The following SLC6A7 variants were observed in gnomAD, a reference collection of about 807,000 sequenced individuals.
The protein encoded by SLC6A7 is sodium-dependent proline transporter.
A neutral mutation model predicts 73.1 loss-of-function variants in SLC6A7; 58 were observed. That is an observed-to-expected ratio of 0.79 (90% CI 0.64 to 0.99). SLC6A7 has a LOEUF of 0.99. SLC6A7 is among the 50% of genes least tolerant of loss of function. The probability of loss-of-function intolerance (pLI) is 0.00; values close to 1 mark genes in which losing one functional copy is unlikely to be tolerated. For missense variants in SLC6A7, 783 were observed against 831.4 expected (o/e 0.94, Z 0.72); for synonymous variants, 338 against 338.7 (o/e 1.00, Z 0.02).
intron 12 of SLC6A7, 51 bp downstream of exon 12, chr5:150,204,978 CG>C (rs1753610850): frequency 8.5e-7 from 1 of 1,178,178 alleles, no homozygotes; most frequent in Non-Finnish European, 1.3e-6. Context: ...GAATTGAAAG[CG>C]GGAGTCCCCT....
chr5:150,202,794 G>A, intron 8 of SLC6A7, 91 bp downstream of exon 8: 3 of 1,438,022 alleles, frequency 2.1e-6, no homozygotes, highest in Non-Finnish European at 2.8e-6. Flanking sequence ...ATGGATGGGG[G>A]CCAGGCGCGG....
At chr5:150,204,724 C>A in intron 11 of SLC6A7, 93 bp downstream of exon 11, 1 of 1,347,654 alleles carries the variant, frequency 7.4e-7, no homozygotes, top group Non-Finnish European at 1.1e-6. Flanking sequence ...TCCCTGGTCC[C>A]AAGGGCCAGG....
chr5:150,209,431 C>A lies in SLC6A7; in HGVS notation c.1727C>A (p.Ala576Asp). 1.9e-6 allele frequency: 3 copies of A among 1,613,810 alleles called. No individual in the cohort carries two copies. In the South Asian group the frequency reaches 3.3e-5, roughly 18 times the overall value. ...CGGCTCCAACAGGCCAGCCGGCCGG[C>A]CATGGACTGGGGACCATCGCTGGAG... ...WERLQQASRPAMDWGPSLEEN... is the reference protein window; with the variant it reads ...WERLQQASRPDMDWGPSLEEN... Residue 576 changes from alanine to aspartate, a missense_variant, in exon 14 of 14, where the codon GCC becomes GAC. Physicochemically the swap from Ala to Asp is moderately radical, Grantham distance 126 (BLOSUM62 -2). Coordinates refer to ENST00000230671, the MANE Select transcript of SLC6A7 (RefSeq NM_014228.5).
At chr5:150,195,691 G>T (rs1752985144) in intron 2 of SLC6A7, among the ~76,000 whole-genome samples, 1 of 152,214 alleles carries the variant, frequency 6.6e-6, no homozygotes, top group African/African-American at 2.4e-5. Flanking sequence ...ATCTCCTTCT[G>T]TCTCTAGCAA....
At chr5:150,208,809 C>T (rs1323406662) in intron 13 of SLC6A7, among the ~76,000 whole-genome samples, 1 of 152,200 alleles carries the variant, frequency 6.6e-6, no homozygotes, top group Non-Finnish European at 1.5e-5. Flanking sequence ...ATCTTAGTCA[C>T]CCCGACTCCG....
intron 2 of SLC6A7, among the ~76,000 whole-genome samples, chr5:150,196,243 T>C (rs1219602538): frequency 6.6e-6 from 1 of 152,090 alleles, no homozygotes; most frequent in Non-Finnish European, 1.5e-5. Context: ...CATATGGTGG[T>C]GGGCAGTTCT....
intron 13 of SLC6A7, among the ~76,000 whole-genome samples, chr5:150,207,176 A>G (rs1753742844): frequency 6.6e-6 from 1 of 152,054 alleles, no homozygotes; most frequent in African/African-American, 2.4e-5. Flanking sequence ...GTTGAGACAG[A>G]GTGTTGCTCT....
intron 1 of SLC6A7, among the ~76,000 whole-genome samples, chr5:150,193,456 G>GC (rs1752874768): frequency 1.3e-5 from 2 of 152,282 alleles, no homozygotes; most frequent in African/African-American, 4.8e-5. Context: ...CAGCCCTCAG[G>GC]CTCTCCCTAC....
chr5:150,196,643 AG>A lies in SLC6A7; in HGVS notation c.218-69del, dbSNP rs1753033894. ...TGAGGGGGCATCTGCAGGCCAGGGG[AG>A]GGGCGGGGCTAGAGCTGGGCTTTTG... On this transcript the variant is annotated intron_variant, in intron 2 of 13. Coordinates refer to ENST00000230671, the MANE Select transcript of SLC6A7 (RefSeq NM_014228.5). The A allele has an allele frequency of 2.7e-6, 4 of 1,464,628 alleles. No individual in the cohort carries two copies. In the African/African-American group the frequency reaches 4.2e-5, roughly 15 times the overall value. 90.7% of individuals were successfully genotyped at this position (1,464,628 alleles called of 1,614,324 possible).
At chr5:150,205,652 G>A (rs373473514) in intron 13 of SLC6A7, 29 bp downstream of exon 13, 36 of 1,585,090 alleles carry the variant, frequency 2.3e-5, no homozygotes, top group Non-Finnish European at 3.1e-5. Context: ...TCCACTCTCA[G>A]CCTTCCTGAC....
Position 150,198,123 on chromosome 5 carries a change from AAG to A in SLC6A7, c.584+849_584+850del, listed in dbSNP as rs1283975933. ...AGAAAGAAAGAAAGAAAGAGAAAGAAAGAAAGAAAGAAAGAAAGCAAAGCCCA... is the reference window on the plus strand; with the variant it reads ...AGAAAGAAAGAAAGAAAGAGAAAGAAAAAGAAAGAAAGAAAGCAAAGCCCA... On this transcript the variant is annotated intron_variant, in intron 4 of 13. Coordinates refer to ENST00000230671, the MANE Select transcript of SLC6A7 (RefSeq NM_014228.5). Among the ~76,000 whole-genome samples the A allele has an allele frequency of 5.4e-4, 76 of 140,828 alleles. 2 individuals carry two copies. The highest frequency in any genetic ancestry group is 1.8e-3 in the African/African-American group (68 of 37,790). The allele number at this position is 140,828 out of a possible 152,430, so 92.4% of individuals were successfully genotyped here.
chr5:150,205,709 A>G, intron 13 of SLC6A7, 86 bp downstream of exon 13: 2 of 1,179,176 alleles, frequency 1.7e-6, no homozygotes, highest in Non-Finnish European at 2.4e-6. Context: ...AAACATATGC[A>G]CCCACCCCTT....
intron 8 of SLC6A7, among the ~76,000 whole-genome samples, chr5:150,203,441 T>C (rs781431334): frequency 1.5e-4 from 23 of 152,192 alleles, no homozygotes; most frequent in Non-Finnish European, 5.9e-5. Context: ...AGGTTTTATA[T>C]TGGGGTCTTG....
In SLC6A7 at chr5:150,203,782, G is replaced by A; in HGVS notation, c.1200+3G>A. 6.4e-7 allele frequency: 1 copy of A among 1,571,024 alleles called. No homozygotes were observed. Among genetic ancestry groups the A allele is most frequent in the Admixed American group, 1.7e-5 (1 of 59,886 alleles). ...TGACTCTCGGCCTAGATAGCCAGGT[G>A]AGTCTCGTCTGTGGCAGCAGGCACC... On this transcript the variant is annotated splice_donor_region_variant and intron_variant, in intron 9 of 13. Transcript: ENST00000230671.
chr5:150,203,270 G>GCACAAATA (rs1263739560), intron 8 of SLC6A7, among the ~76,000 whole-genome samples: 2 of 152,168 alleles, frequency 1.3e-5, no homozygotes, highest in Non-Finnish European at 1.5e-5. Flanking sequence ...TGCTTTGGTT[G>GCACAAATA]CACAAATAAG....
At chr5:150,205,183 T>G (rs2113986451) in intron 12 of SLC6A7, among the ~76,000 whole-genome samples, 1 of 149,562 alleles carries the variant, frequency 6.7e-6, no homozygotes, top group Admixed American at 6.6e-5. Flanking sequence ...CTTTAGGCTG[T>G]GATTTCTGTC....
At chr5:150,202,812 T>C (rs2240789) in intron 8 of SLC6A7, 109 bp downstream of exon 8, 599,755 of 1,268,152 alleles carry the variant, frequency 0.47, 145,129 homozygotes, top group Non-Finnish European at 0.51. Flanking sequence ...CGGTGGCTCA[T>C]GCCTGTGATC....
chr5:150,190,289 G>T lies in SLC6A7; in HGVS notation c.-39G>T, dbSNP rs1246834844. ...CATCTCTCGTGCCCTCGCTCTCTGC[G>T]CTCCGGGGCAGCTGAGCCCCGGCCA... On this transcript the variant is annotated 5_prime_UTR_variant, in exon 1 of 14. Transcript: ENST00000230671. 4 of 1,500,908 alleles carry T rather than the reference G, an allele frequency of 2.7e-6. No individual in the cohort carries two copies. Among genetic ancestry groups the T allele is most frequent in the Admixed American group, 2.2e-5 (1 of 45,206 alleles). The allele number at this position is 1,500,908 out of a possible 1,614,324, so 93.0% of individuals were successfully genotyped here. A position where few individuals can be genotyped will look rare whatever the true frequency, so the allele number is the denominator to read the frequency against.
rs771996486 is a variant in SLC6A7 at position 150,204,853 on chromosome 5, C to T, written c.1459C>T (p.His487Tyr). Residue 487 changes from histidine to tyrosine, a missense_variant, in exon 12 of 14, where the codon CAC becomes TAC. His to Tyr is a moderately conservative substitution (Grantham distance 83, BLOSUM62 2). Coordinates refer to ENST00000230671, the MANE Select transcript of SLC6A7 (RefSeq NM_014228.5). ...CATTCAGAGGTTCTGCCGAGACATC[C>T]ACATGATGCTGGGCTTCAAGCCGGG... ...YGIQRFCRDI[H>Y]MMLGFKPGLY... 5.6e-6 allele frequency: 9 copies of T among 1,606,868 alleles called. No homozygotes were observed. In the Admixed American group the frequency reaches 1.5e-4, roughly 27 times the overall value.
Sources: gnomAD v4.1 joint callset for allele counts (sites outside exome capture counted in the v4.1 genomes callset) on GRCh38, gnomAD v4.1.1 for gene constraint, MANE v1.5 for transcripts, NCBI Gene and HGNC (gene_info 2026-07-23, HGNC 2026-07-21) for gene names.